UBA1: variants seen among roughly 807,000 people sequenced by gnomAD.
The protein encoded by UBA1 is ubiquitin-like modifier-activating enzyme 1.
UBA1 carries 4 observed loss-of-function variants against 84.7 expected under a neutral mutation model. The observed-to-expected ratio is 0.05, with a 90% CI of 0.02 to 0.11. The LOEUF is 0.11. UBA1 is among the 10% of genes least tolerant of loss of function. The probability of loss-of-function intolerance (pLI) is 1.00; values close to 1 mark genes in which losing one functional copy is unlikely to be tolerated. For missense variants in UBA1, 513 were observed against 902.8 expected (o/e 0.57, Z 5.53); for synonymous variants, 364 against 362.6 (o/e 1.00, Z -0.04).
At chrX:47,205,456 T>C (rs1157512739) in intron 14 of UBA1, 1 of 342,747 alleles carries the variant, frequency 2.9e-6, no homozygotes, top group Non-Finnish European at 5.9e-6. Context: ...GCCACATGCA[T>C]CATCATCCTG....
At chrX:47,195,239 G>GTTTTCT (rs782029747) in intron 1 of UBA1, among the ~76,000 whole-genome samples, 4 of 110,839 alleles carry the variant, frequency 3.6e-5, no homozygotes, top group African/African-American at 1.3e-4. Context: ...AGGCCTTCTT[G>GTTTTCT]TTTTCTTTTT....
chrX:47,202,215 A>G lies in UBA1; in HGVS notation c.871A>G (p.Ile291Val). The change falls in exon 9 of 26, where the codon ATC (isoleucine) becomes GTC (valine). Residue 291 changes from isoleucine to valine, a missense_variant. Transcript: ENST00000335972. ...SNFSDYIRGG[I>V]VSQVKVPKKI... is the part of the protein sequence containing the mutation. ...CTTCTCCGACTACATCCGTGGAGGC[A>G]TCGTCAGTCAGGTCAAAGTACCTAA... is the stretch of plus-strand genomic sequence containing the variant. 2.5e-6 allele frequency: 3 copies of G among 1,210,372 alleles called. No individual in the cohort carries two copies. Among genetic ancestry groups the G allele is most frequent in the Non-Finnish European group, 3.4e-6 (3 of 894,743 alleles).
At position 47,215,063 on chromosome X, in the gene UBA1, C is replaced by G; in HGVS notation, c.*134C>G. 1 of 919,920 alleles carries G rather than the reference C, an allele frequency of 1.1e-6. No homozygotes were observed. 75.8% of individuals were successfully genotyped at this position (919,920 alleles called of 1,213,427 possible). ...TTCCCTCATCATCCCCCTACCTGAA[C>G]CCCTCTTGCCACTGCCTTCTACCTT... On this transcript the variant is annotated 3_prime_UTR_variant, in exon 26 of 26. Coordinates refer to ENST00000335972, the MANE Select transcript of UBA1 (RefSeq NM_003334.4).
At chrX:47,193,660 GT>G (rs1556784655), upstream of UBA1, among the ~76,000 whole-genome samples, 2 of 112,767 alleles carry the variant, frequency 1.8e-5, no homozygotes, top group African/African-American at 6.4e-5. Flanking sequence ...TGTTTTCGTT[GT>G]TACTGCCACA....
chrX:47,205,366 G>T (rs782126393), intron 14 of UBA1: 7 of 329,663 alleles, frequency 2.1e-5, no homozygotes, highest in African/African-American at 1.9e-4. Flanking sequence ...AAAATAGCAG[G>T]TGTTAGACGA....
intron 13 of UBA1, among the ~76,000 whole-genome samples, 160 bp from the exon 14 acceptor site, chrX:47,203,381 T>C (rs1041232577): frequency 8.9e-6 from 1 of 112,394 alleles, no homozygotes; most frequent in East Asian, 2.8e-4. Context: ...GGTGCCTCCT[T>C]CCTCACATGA....
At chrX:47,201,752 A>G in intron 8 of UBA1, 142 bp downstream of exon 8, 1 of 722,501 alleles carries the variant, frequency 1.4e-6, no homozygotes, top group South Asian at 2.4e-5. Context: ...ACTACAGACA[A>G]TCCTGTGGGG....
chrX:47,204,070 C>A (rs1477620200), intron 14 of UBA1, among the ~76,000 whole-genome samples: 2 of 102,065 alleles, frequency 2.0e-5, no homozygotes, highest in East Asian at 6.2e-4. Context: ...TGTTCCCATT[C>A]TTTCTGTCAG....
Position 47,199,514 on chromosome X carries a change from G to T in UBA1, c.380G>T (p.Arg127Leu), listed in dbSNP as rs143306068. 2.5e-6 allele frequency: 3 copies of T among 1,209,936 alleles called. No individual in the cohort carries two copies. Among genetic ancestry groups the T allele is most frequent in the Non-Finnish European group, 3.4e-6 (3 of 895,195 alleles). ...YLREEDIGKNRAEVSQPRLAE... is the reference protein window; with the variant it reads ...YLREEDIGKNLAEVSQPRLAE... Reference sequence around the variant, plus strand: ...CGGGAGGAGGACATCGGTAAAAACCGGGCCGAGGTATCACAGCCCCGCCTC... The same window carrying T: ...CGGGAGGAGGACATCGGTAAAAACCTGGCCGAGGTATCACAGCCCCGCCTC... The change falls in exon 5 of 26, where the codon CGG (arginine) becomes CTG (leucine). Residue 127 changes from arginine (R) to leucine (L), a missense_variant. Arg to Leu is a moderately radical substitution (Grantham distance 102). Around this residue, in one of 6 missense-constraint regions of UBA1, gnomAD observed 227 missense variants for 339.1 expected, o/e 0.67. Coordinates refer to ENST00000335972, the MANE Select transcript of UBA1 (RefSeq NM_003334.4).
At chrX:47,195,239 G>GATTTCT (rs1936159118) in intron 1 of UBA1, among the ~76,000 whole-genome samples, 2 of 110,839 alleles carry the variant, frequency 1.8e-5, no homozygotes, top group African/African-American at 6.6e-5. Flanking sequence ...AGGCCTTCTT[G>GATTTCT]TTTTCTTTTT....
At chrX:47,201,219 C>T (rs1337967371) in intron 6 of UBA1, 57 bp from the exon 7 acceptor site, 7 of 1,055,610 alleles carry the variant, frequency 6.6e-6, no homozygotes, top group East Asian at 3.1e-5. Context: ...TTGAGGGACC[C>T]GTGGGACCTG....
chrX:47,208,956 T>C (rs1936805371), intron 16 of UBA1: 1 of 112,734 alleles, frequency 8.9e-6, no homozygotes, highest in African/African-American at 3.3e-5. Flanking sequence ...CCGGGTGTGG[T>C]GGCATGTGCC....
At chrX:47,201,738 A>G (rs1936425152) in intron 8 of UBA1, 128 bp downstream of exon 8, 6 of 806,862 alleles carry the variant, frequency 7.4e-6, no homozygotes, top group Non-Finnish European at 1.1e-5. Flanking sequence ...GGTGTTTGAG[A>G]TGAACTACAG....
intron 11 of UBA1, 55 bp from the exon 12 acceptor site, chrX:47,202,888 T>C (rs782121259): frequency 8.3e-7 from 1 of 1,201,225 alleles, no homozygotes; most frequent in Non-Finnish European, 1.1e-6. Flanking sequence ...GCTCTCTGTC[T>C]GTGTCAGGCC....
At chrX:47,209,430 A>G (rs1556792610) in intron 16 of UBA1, 193 bp from the exon 17 acceptor site, 1 of 525,899 alleles carries the variant, frequency 1.9e-6, no homozygotes, top group Non-Finnish European at 3.5e-6. Context: ...CTGGGATTAC[A>G]GGTGTGAGCT....
intron 23 of UBA1, among the ~76,000 whole-genome samples, chrX:47,213,792 G>A (rs1459349463): frequency 3.6e-5 from 4 of 110,954 alleles, no homozygotes; most frequent in African/African-American, 9.9e-5. Context: ...ACTTGAACCC[G>A]GGAGGCGGAG....
rs1204889932 is a variant in UBA1 at position 47,211,120 on chromosome X, G to A, written c.2359G>A (p.Val787Met). The change falls in exon 20 of 26, where the codon GTG becomes ATG. Residue 787 changes from valine (V) to methionine (M), a missense_variant. Physicochemically the swap from Val to Met is conservative, Grantham distance 21 (BLOSUM62 1). Around this residue, in one of 6 missense-constraint regions of UBA1, gnomAD observed 151 missense variants for 260.1 expected, o/e 0.58. Coordinates refer to ENST00000335972, the MANE Select transcript of UBA1 (RefSeq NM_003334.4). ...GLTGSQDRAA[V>M]ATFLQSVQVP... ...GACAGGCTCTCAGGACCGAGCTGCTGTGGCCACATTCCTGCAGTCTGTGCA... is the reference window on the plus strand; with the variant it reads ...GACAGGCTCTCAGGACCGAGCTGCTATGGCCACATTCCTGCAGTCTGTGCA... 4.1e-6 allele frequency: 5 copies of A among 1,210,130 alleles called. No individual in the cohort carries two copies. The Admixed American group carries it at 1.1e-4, about 26-fold the overall frequency.
chrX:47,200,818 C>A (rs935119351), intron 5 of UBA1, 76 bp from the exon 6 acceptor site: 2 of 826,560 alleles, frequency 2.4e-6, no homozygotes, highest in Non-Finnish European at 3.6e-6. Flanking sequence ...TTGAGGACTG[C>A]CTGAGTCCTC....
Position 47,203,446 on chromosome X carries a change from C to T in UBA1, c.1420-95C>T, listed in dbSNP as rs1954912047. 4.7e-6 allele frequency: 5 copies of T among 1,067,412 alleles called. No homozygotes were observed. In the South Asian group the frequency reaches 7.6e-5, roughly 16 times the overall value. The allele number at this position is 1,067,412 out of a possible 1,213,427, so 88.0% of individuals were successfully genotyped here. ...CTGAAGATGTGGTGTTAGCCCCTCT[C>T]CCCGTCTCTCAGGGGAGTGAGGGGT... On this transcript the variant is annotated intron_variant, in intron 13 of 25. Coordinates refer to ENST00000335972, the MANE Select transcript of UBA1 (RefSeq NM_003334.4).
Sources: allele counts gnomAD v4.1 joint callset (sites outside exome capture counted in the v4.1 genomes callset), GRCh38; gene constraint gnomAD v4.1.1; regional missense constraint gnomAD v4.1.1; transcripts MANE v1.5; gene names NCBI Gene and HGNC (gene_info 2026-07-23, HGNC 2026-07-21).